The following TUSC3 variants were observed in gnomAD, a reference collection of about 807,000 sequenced individuals.
The protein encoded by TUSC3 is tumor suppressor candidate 3.
Under a neutral mutation model 44.8 loss-of-function variants are expected in TUSC3, and 45 were observed. The ratio of observed to expected loss-of-function variants is 1.00; its 90% CI spans 0.79 to 1.29. The LOEUF (loss-of-function observed/expected upper bound fraction) is 1.29. Among genes scored for constraint, TUSC3 ranks in the 50% most tolerant of loss-of-function variants. The pLI is 0.00. For synonymous variants in TUSC3, 212 were observed against 152.9 expected, an observed-to-expected ratio of 1.39 and a Z score of -2.85; for missense variants, 519 against 437.9, an observed-to-expected ratio of 1.19 and a Z score of -1.65.
intron 1 of TUSC3, among the ~76,000 whole-genome samples, chr8:15,554,948 A>G (rs1288117672): frequency 2.0e-5 from 3 of 151,374 alleles, no homozygotes; most frequent in Non-Finnish European, 2.9e-5. Context: ...GAAATAGGTA[A>G]ATTGACTCAG....
Position 15,440,617 on chromosome 8 carries a change from C to T in TUSC3, n.91+23312C>T, listed in dbSNP as rs142557898. On this transcript the variant is annotated intron_variant and non_coding_transcript_variant, in intron 1 of 5. Transcript: ENST00000503191. Reference sequence around the variant, plus strand: ...TTACAGGATGGAATATTAGAATTGACTTAAGCATTCTTTTATTGATTGCAT... The same window carrying T: ...TTACAGGATGGAATATTAGAATTGATTTAAGCATTCTTTTATTGATTGCAT... 2.0e-5 allele frequency among the ~76,000 whole-genome samples: 3 copies of T among 152,242 alleles called. No homozygotes were observed. The East Asian group carries it at 5.8e-4, about 29-fold the overall frequency.
intron 2 of TUSC3, among the ~76,000 whole-genome samples, chr8:15,515,415 G>T (rs1358843511): frequency 6.6e-6 from 1 of 152,076 alleles, no homozygotes; most frequent in Non-Finnish European, 1.5e-5. Context: ...TGATAATCTA[G>T]CTGTGCATTT....
chr8:15,603,816 A>G (rs1397937882), intron 1 of TUSC3, among the ~76,000 whole-genome samples: 1 of 151,398 alleles, frequency 6.6e-6, no homozygotes, highest in East Asian at 1.9e-4. Flanking sequence ...TTATAACTGA[A>G]ATGTTAAATT....
At chr8:15,432,061 T>C (rs1321211087) in intron 1 of TUSC3, among the ~76,000 whole-genome samples, 3 of 151,872 alleles carry the variant, frequency 2.0e-5, no homozygotes, top group Admixed American at 2.0e-4. Context: ...ATCAGGGATA[T>C]TGGCTTGTAA....
At chr8:15,485,999 G>C (rs1339323099) in intron 2 of TUSC3, among the ~76,000 whole-genome samples, 1 of 151,958 alleles carries the variant, frequency 6.6e-6, no homozygotes, top group East Asian at 1.9e-4. Context: ...TCGCCATGTT[G>C]GGCAGGCTGG....
chr8:15,533,712 C>T (rs546261625), intron 2 of TUSC3, among the ~76,000 whole-genome samples: 3 of 152,194 alleles, frequency 2.0e-5, no homozygotes, highest in Non-Finnish European at 4.4e-5. Context: ...GTCAGGAGCA[C>T]TGTCTCTTAC....
intron 1 of TUSC3, among the ~76,000 whole-genome samples, chr8:15,547,366 T>A (rs1037365203): frequency 2.6e-5 from 4 of 151,724 alleles, no homozygotes; most frequent in African/African-American, 7.2e-5. Context: ...CAGCAAACCA[T>A]TGCCAAGTTA....
At chr8:15,668,293 C>T (rs1178712517) in intron 5 of TUSC3, among the ~76,000 whole-genome samples, 1 of 151,464 alleles carries the variant, frequency 6.6e-6, no homozygotes, top group African/African-American at 2.4e-5. Context: ...ATGGCTGGGA[C>T]TAGTACATTT....
chr8:15,775,697 CACAT>C, the TUSC3 span, among the ~76,000 whole-genome samples: 27 of 147,414 alleles, frequency 1.8e-4, no homozygotes, highest in East Asian at 4.9e-3. Flanking sequence ...TGTACACACA[CACAT>C]ATATACATAT....
At chr8:15,712,900 A>G (rs1006989827) in intron 6 of TUSC3, among the ~76,000 whole-genome samples, 2 of 152,138 alleles carry the variant, frequency 1.3e-5, no homozygotes, top group African/African-American at 4.8e-5. Context: ...ACTCCTCGGT[A>G]CAGTTCAGTC....
At chr8:15,548,421 CCTT>C (rs1375551149) in intron 1 of TUSC3, among the ~76,000 whole-genome samples, 2 of 151,782 alleles carry the variant, frequency 1.3e-5, no homozygotes, top group African/African-American at 4.8e-5. Flanking sequence ...GGGAAAGTTT[CCTT>C]CTTCTTTACA....
upstream of TUSC3, among the ~76,000 whole-genome samples, chr8:15,536,190 G>A (rs756248099): frequency 1.4e-4 from 21 of 152,196 alleles, no homozygotes; most frequent in Non-Finnish European, 2.2e-4. Context: ...ATTTGGGAAA[G>A]CAAGACAGCT....
chr8:15,727,594 G>A (rs1446431531), intron 6 of TUSC3, among the ~76,000 whole-genome samples: 2 of 152,076 alleles, frequency 1.3e-5, no homozygotes, highest in Non-Finnish European at 2.9e-5. Context: ...CACAAAAAAA[G>A]AAGTACAAAA....
At chr8:15,700,687 C>T (rs944605940) in intron 6 of TUSC3, among the ~76,000 whole-genome samples, 16 of 151,960 alleles carry the variant, frequency 1.1e-4, no homozygotes, top group African/African-American at 3.9e-4. Context: ...TGCTCCTAAT[C>T]ATCTGAGCAG....
At chr8:15,468,038 T>A (rs1800436924) in intron 1 of TUSC3, among the ~76,000 whole-genome samples, 1 of 152,216 alleles carries the variant, frequency 6.6e-6, no homozygotes, top group Non-Finnish European at 1.5e-5. Flanking sequence ...GGTAAAATAC[T>A]GATTAGTAAT....
At chr8:15,491,582 G>T (rs533725934) in intron 2 of TUSC3, among the ~76,000 whole-genome samples, 1 of 152,042 alleles carries the variant, frequency 6.6e-6, no homozygotes, top group Non-Finnish European at 1.5e-5. Context: ...TTATCTTTTT[G>T]CTTACATACA....
chr8:15,807,782 T>C, the TUSC3 span, among the ~76,000 whole-genome samples: 1 of 152,202 alleles, frequency 6.6e-6, no homozygotes, highest in East Asian at 1.9e-4. Flanking sequence ...AAATACTGCA[T>C]GTTCTCATTT....
intron 1 of TUSC3, among the ~76,000 whole-genome samples, chr8:15,581,350 G>C (rs958824380): frequency 6.7e-6 from 1 of 149,934 alleles, no homozygotes; most frequent in Non-Finnish European, 1.5e-5. Context: ...GCTTTGTTCC[G>C]TTGCTGGTGA....
intron 2 of TUSC3, among the ~76,000 whole-genome samples, chr8:15,506,543 C>T (rs775098034): frequency 3.3e-5 from 5 of 152,150 alleles, no homozygotes; most frequent in Non-Finnish European, 5.9e-5. Context: ...AATGGACTCA[C>T]AGTTCCACAT....
Sources: allele counts gnomAD v4.1 joint callset (sites outside exome capture counted in the v4.1 genomes callset), GRCh38; gene constraint gnomAD v4.1.1; transcripts MANE v1.5; gene names NCBI Gene and HGNC (gene_info 2026-07-23, HGNC 2026-07-21).